HACD2: variants seen among roughly 807,000 people sequenced by gnomAD.
HACD2 encodes 3-hydroxyacyl-CoA dehydratase 2, also known as very-long-chain (3R)-3-hydroxyacyl-CoA dehydratase 2.
Under a neutral mutation model 31.0 loss-of-function variants are expected in HACD2, and 15 were observed. That is an observed-to-expected ratio of 0.48 (90% CI 0.32 to 0.75). HACD2 has a LOEUF of 0.75. Ranked by LOEUF, HACD2 falls within the 30% of genes least tolerant of loss-of-function variation. The pLI is 0.03. For missense variants in HACD2, 283 were observed against 313.0 expected (o/e 0.90, Z 0.72); for synonymous variants, 115 against 122.2 (o/e 0.94, Z 0.39).
intron 4 of HACD2, among the ~76,000 whole-genome samples, chr3:123,517,180 C>A (rs950925363): frequency 6.6e-6 from 1 of 152,190 alleles, no homozygotes; most frequent in African/African-American, 2.4e-5. Flanking sequence ...GGCTTAATTA[C>A]AAAGAAATGC....
rs1309251198 is a variant in HACD2, at chr3:123,492,778, G to GA, written c.*2109dup. The GA allele has an allele frequency of 2.0e-5, 3 of 152,048 alleles. No individual in the cohort carries two copies. The highest frequency in any genetic ancestry group is 4.1e-4 in the South Asian group (2 of 4,822). 9.4% of individuals were successfully genotyped at this position (152,048 alleles called of 1,614,324 possible). A position where few individuals can be genotyped will look rare whatever the true frequency, so the allele number is the denominator to read the frequency against. On this transcript the variant is annotated 3_prime_UTR_variant, in exon 7 of 7. Coordinates refer to ENST00000383657, the MANE Select transcript of HACD2 (RefSeq NM_198402.5). The stretch of plus-strand genomic sequence containing the variant: ...TTCTAGAATTTTTCCAAAAACAACT[G>GA]AAAAAATCTAACAGAACAAAGTAAA...
chr3:123,549,635 C>G (rs910805440), intron 3 of HACD2, among the ~76,000 whole-genome samples: 1 of 152,034 alleles, frequency 6.6e-6, no homozygotes, highest in Non-Finnish European at 1.5e-5. Context: ...GTGGTCACAC[C>G]TACTTGGGAG....
rs9881425 is a variant in HACD2, at chr3:123,491,817, C to T, written c.*3071G>A. 0.035 allele frequency: 5,407 copies of T among 152,554 alleles called. 105 individuals are homozygous for T. Among genetic ancestry groups the T allele is most frequent in the Middle Eastern group, 0.089 (26 of 292 alleles). 9.5% of individuals were successfully genotyped at this position (152,554 alleles called of 1,614,324 possible). On this transcript the variant is annotated 3_prime_UTR_variant, in exon 7 of 7. Transcript: ENST00000383657. Reference sequence around the variant, plus strand: ...AAAAATACAAAAATGACTATATATACGGTTGTACAATTTTTTACCCAAATT... The same window carrying T: ...AAAAATACAAAAATGACTATATATATGGTTGTACAATTTTTTACCCAAATT...
rs1023334230 is a variant in HACD2 at position 123,547,706 on chromosome 3, C to A, written c.293-19232G>T. ...CCTGTATGAGGTGGTATATGTTAGA[C>A]CAAGCATTACGTTAGATTACATAGA... On this transcript the variant is annotated intron_variant, in intron 3 of 6. Coordinates refer to ENST00000383657, the MANE Select transcript of HACD2 (RefSeq NM_198402.5). Among the ~76,000 whole-genome samples, 5 of 152,072 alleles carry A rather than the reference C, an allele frequency of 3.3e-5. No homozygotes were observed. In the South Asian group the frequency reaches 6.2e-4, roughly 19 times the overall value.
chr3:123,520,642 A>G (rs1172870437), intron 4 of HACD2, among the ~76,000 whole-genome samples: 1 of 152,244 alleles, frequency 6.6e-6, no homozygotes, highest in Non-Finnish European at 1.5e-5. Flanking sequence ...CCACCACTGT[A>G]TGGTACTAAA....
intron 6 of HACD2, among the ~76,000 whole-genome samples, chr3:123,496,538 G>A (rs920794513): frequency 2.6e-5 from 4 of 152,174 alleles, no homozygotes; most frequent in East Asian, 1.9e-4. Flanking sequence ...TGCCATCCAC[G>A]CCATTGCTAC....
intron 3 of HACD2, among the ~76,000 whole-genome samples, chr3:123,536,999 G>T (rs1020023261): frequency 2.0e-5 from 3 of 152,160 alleles, no homozygotes; most frequent in Admixed American, 2.0e-4. Flanking sequence ...GAATGGAGAA[G>T]TCATAATAAA....
intron 3 of HACD2, among the ~76,000 whole-genome samples, chr3:123,545,857 G>A (rs1479562599): frequency 5.9e-5 from 9 of 151,498 alleles, no homozygotes; most frequent in Admixed American, 3.9e-4. Context: ...GATTACAGGC[G>A]TGCACCACCA....
chr3:123,508,462 T>C (rs1469871415), intron 4 of HACD2, among the ~76,000 whole-genome samples: 1 of 152,212 alleles, frequency 6.6e-6, no homozygotes, highest in African/African-American at 2.4e-5. Flanking sequence ...TATGTTTGAC[T>C]TTAAAAGGCA....
At chr3:123,578,205 C>G (rs1391114458) in intron 2 of HACD2, among the ~76,000 whole-genome samples, 1 of 152,096 alleles carries the variant, frequency 6.6e-6, no homozygotes, top group Non-Finnish European at 1.5e-5. Context: ...ATTCATTTGC[C>G]TTTATTAATT....
At chr3:123,562,496 T>C (rs2056744323) in intron 3 of HACD2, among the ~76,000 whole-genome samples, 2 of 142,938 alleles carry the variant, frequency 1.4e-5, no homozygotes, top group Admixed American at 6.8e-5. Flanking sequence ...TATTGAACAT[T>C]AGAGGAACAA....
chr3:123,504,124 CT>C (rs1190847162), intron 4 of HACD2, among the ~76,000 whole-genome samples: 10 of 152,200 alleles, frequency 6.6e-5, no homozygotes, highest in Non-Finnish European at 1.2e-4. Context: ...ACCTCTAAAG[CT>C]TTCATGGTAA....
Position 123,547,936 on chromosome 3 carries a change from G to A in HACD2, c.293-19462C>T, listed in dbSNP as rs529824642. On this transcript the variant is annotated intron_variant, in intron 3 of 6. Transcript: ENST00000383657. Reference sequence around the variant, plus strand: ...ATGAGGGAACTGAGGTCCAGAGAAGGCAACTCACACTTACTAAAGCACACA... The same window carrying A: ...ATGAGGGAACTGAGGTCCAGAGAAGACAACTCACACTTACTAAAGCACACA... Among the ~76,000 whole-genome samples, 57 of 152,114 alleles carry A rather than the reference G, an allele frequency of 3.7e-4. 1 individual carries two copies. The highest frequency in any genetic ancestry group is 8.0e-4 in the African/African-American group (33 of 41,496).
At chr3:123,568,256 T>C (rs1286351465) in intron 2 of HACD2, among the ~76,000 whole-genome samples, 9 of 152,184 alleles carry the variant, frequency 5.9e-5, no homozygotes, top group Admixed American at 5.9e-4. Context: ...CCATCTTGCC[T>C]CATTCAATGA....
Position 123,528,438 on chromosome 3 carries a change from T to G in HACD2, c.329A>C (p.Gln110Pro). 1.2e-6 allele frequency: 2 copies of G among 1,613,040 alleles called. No individual in the cohort carries two copies. The highest frequency in any genetic ancestry group is 8.5e-7 in the Non-Finnish European group (1 of 1,179,112). Residue 110 changes from glutamine (Q) to proline (P), a missense_variant, in exon 4 of 7, where the codon CAG becomes CCG. Gln to Pro is a moderately conservative substitution (Grantham distance 76). Coordinates refer to ENST00000383657, the MANE Select transcript of HACD2 (RefSeq NM_198402.5). ...VPSSVVLTSF[Q>P]VMSRVFLIWA... ...TATTAGAAAAACTCTTGACATCACC[T>G]GGAAAGAAGTCAGGACAACAGAAGA...
chr3:123,566,453 T>G (rs182919155), intron 3 of HACD2, among the ~76,000 whole-genome samples: 5 of 151,944 alleles, frequency 3.3e-5, no homozygotes, highest in African/African-American at 9.6e-5. Context: ...CCTGGCTCGT[T>G]TTTTATTTTT....
In HACD2 at chr3:123,494,970, A is replaced by C. The variant is rs1428766752; in HGVS notation, c.683T>G (p.Ile228Ser). 1.3e-6 allele frequency: 2 copies of C among 1,546,956 alleles called. No individual in the cohort carries two copies. Among genetic ancestry groups the C allele is most frequent in the African/African-American group, 2.7e-5 (2 of 73,126 alleles). Reference sequence around the variant, plus strand: ...CATGTGGAAGTATAACTGGGGAAAAACTGAAAAGAAAAGAAAAATTGGTTA... The same window carrying C: ...CATGTGGAAGTATAACTGGGGAAAACCTGAAAAGAAAAGAAAAATTGGTTA... Reference protein sequence around the residue: ...LILIMISYIPIFPQLYFHMIH... With the variant: ...LILIMISYIPSFPQLYFHMIH... The change falls in exon 7 of 7, where the codon ATT becomes AGT. Residue 228 changes from isoleucine to serine, a missense_variant and splice_region_variant. Ile to Ser is a moderately radical substitution (Grantham distance 142). Transcript: ENST00000383657.
chr3:123,538,181 C>T (rs1352439995), intron 3 of HACD2, among the ~76,000 whole-genome samples: 1 of 152,136 alleles, frequency 6.6e-6, no homozygotes, highest in Admixed American at 6.6e-5. Flanking sequence ...GGCCATGTCT[C>T]TTGGGGTTGC....
At chr3:123,511,955 G>A (rs958420360) in intron 4 of HACD2, among the ~76,000 whole-genome samples, 3 of 152,154 alleles carry the variant, frequency 2.0e-5, no homozygotes, top group South Asian at 2.1e-4. Context: ...GCTCCTCTTC[G>A]CCATGTGACC....
Sources: gnomAD v4.1 joint callset for allele counts (sites outside exome capture counted in the v4.1 genomes callset) on GRCh38, gnomAD v4.1.1 for gene constraint, MANE v1.5 for transcripts, NCBI Gene and HGNC (gene_info 2026-07-23, HGNC 2026-07-21) for gene names.